The following DYNLRB2 variants were observed in gnomAD, a reference collection of about 807,000 sequenced individuals.
The protein encoded by DYNLRB2 is bithoraxoid-like protein.
Under a neutral mutation model 12.6 loss-of-function variants are expected in DYNLRB2, and 14 were observed. The ratio of observed to expected loss-of-function variants is 1.11; its 90% CI spans 0.73 to 1.73. The LOEUF (loss-of-function observed/expected upper bound fraction) is 1.73. DYNLRB2 is among the 40% of genes most tolerant of loss of function. The pLI is 0.00. For missense variants in DYNLRB2, 142 were observed against 117.7 expected (o/e 1.21, Z -0.95); for synonymous variants, 53 against 37.0 (o/e 1.43, Z -1.57).
chr16:80,546,494 C>T (rs556005123), intron 2 of DYNLRB2, among the ~76,000 whole-genome samples: 3 of 152,336 alleles, frequency 2.0e-5, no homozygotes, highest in East Asian at 1.9e-4. Context: ...TTCGGTTTCA[C>T]TGTTACTGAA....
chr16:80,545,693 A>C (rs1597091203), intron 2 of DYNLRB2, among the ~76,000 whole-genome samples: 1 of 6,848 alleles, frequency 1.5e-4, no homozygotes. Flanking sequence ...TTTGAGATGG[A>C]GTCTCTCTCT....
chr16:80,549,574 T>C lies in DYNLRB2; in HGVS notation c.170T>C (p.Val57Ala), dbSNP rs1020538501. The C allele has an allele frequency of 2.5e-6, 4 of 1,612,664 alleles. No homozygotes were observed. In the African/African-American group the frequency reaches 4.0e-5, roughly 16 times the overall value. The change falls in exon 3 of 4, where the codon GTT (valine) becomes GCT (alanine). Residue 57 changes from valine (V) to alanine (A), a missense_variant. By Grantham distance (64) the Val-to-Ala change is moderately conservative (BLOSUM62 0). Transcript: ENST00000305904. ...CTGACAATGAAAGCCAAAAGCACAG[T>C]TCGTGATATTGATCCTCAGAACGAC... ...HHLTMKAKST[V>A]RDIDPQNDLT...
intron 2 of DYNLRB2, chr16:80,547,871 G>A (rs28558345): frequency 0.062 from 28,141 of 456,018 alleles, 1,824 homozygotes; most frequent in Admixed American, 0.18. Context: ...TTTATTTATT[G>A]AATAGGTTTT....
chr16:80,547,772 A>G (rs1567518201), intron 2 of DYNLRB2: 1 of 456,626 alleles, frequency 2.2e-6, no homozygotes, highest in South Asian at 1.5e-5. Context: ...ACGCTTTGTG[A>G]CCTTCAAGTA....
At chr16:80,546,169 T>G (rs916164241) in intron 2 of DYNLRB2, among the ~76,000 whole-genome samples, 1 of 152,220 alleles carries the variant, frequency 6.6e-6, no homozygotes, top group East Asian at 1.9e-4. Flanking sequence ...TGTTTATTAA[T>G]GGCATATGGT....
At chr16:80,542,608 C>T (rs972971189) in intron 1 of DYNLRB2, among the ~76,000 whole-genome samples, 1 of 152,148 alleles carries the variant, frequency 6.6e-6, no homozygotes, top group African/African-American at 2.4e-5. Context: ...GGGAAGAAAA[C>T]ATACAATACA....
chr16:80,545,894 C>T (rs1904432865), intron 2 of DYNLRB2, among the ~76,000 whole-genome samples: 1 of 150,620 alleles, frequency 6.6e-6, no homozygotes, highest in Non-Finnish European at 1.5e-5. Context: ...TGGTTTCGAT[C>T]TCCTGACCTT....
intron 3 of DYNLRB2, 127 bp downstream of exon 3, chr16:80,549,778 AATG>A: frequency 9.8e-7 from 1 of 1,019,094 alleles, no homozygotes; most frequent in South Asian, 3.8e-5. Context: ...TCTATTACAA[AATG>A]ATGTTTGAAT....
chr16:80,540,870 C>A (rs372816184), upstream of DYNLRB2: 4 of 859,738 alleles, frequency 4.7e-6, no homozygotes, highest in Non-Finnish European at 5.8e-6. Flanking sequence ...CGCCTGCTCC[C>A]CTCTTCCGCG....
chr16:80,545,895 T>A (rs908951892), intron 2 of DYNLRB2, among the ~76,000 whole-genome samples: 1 of 151,232 alleles, frequency 6.6e-6, no homozygotes, highest in Non-Finnish European at 1.5e-5. Context: ...GGTTTCGATC[T>A]CCTGACCTTG....
chr16:80,541,233 G>T (rs1181147191), intron 1 of DYNLRB2, 154 bp downstream of exon 1: 1 of 963,710 alleles, frequency 1.0e-6, no homozygotes, highest in African/African-American at 1.8e-5. Context: ...GGGGCGAGAG[G>T]GAGACCTTGG....
chr16:80,540,919 G>T (rs977819435), upstream of DYNLRB2: 26 of 1,354,464 alleles, frequency 1.9e-5, no homozygotes, highest in East Asian at 2.5e-5. Flanking sequence ...TCAGGAGCGC[G>T]GTCAGGGCGA....
intron 2 of DYNLRB2, among the ~76,000 whole-genome samples, chr16:80,548,718 C>A (rs1213924507): frequency 1.2e-5 from 1 of 80,998 alleles, no homozygotes; most frequent in Non-Finnish European, 3.3e-5. Context: ...AATAGCAAGA[C>A]TCCGTCTCAA....
In DYNLRB2 at chr16:80,541,010, G is replaced by C; in HGVS notation, c.-67G>C. On this transcript the variant is annotated 5_prime_UTR_variant, in exon 1 of 4. Transcript: ENST00000305904. ...CCTTTTTTGTCTCCTAGCAACGGCG[G>C]GTAGCGTTGTTGACATCCCGGGAGG... 2.5e-6 allele frequency: 4 copies of C among 1,583,212 alleles called. No homozygotes were observed. The highest frequency in any genetic ancestry group is 2.3e-5 in the South Asian group (2 of 87,992).
intron 1 of DYNLRB2, among the ~76,000 whole-genome samples, chr16:80,542,896 GA>G (rs1277803416): frequency 6.6e-6 from 1 of 152,206 alleles, no homozygotes; most frequent in Admixed American, 6.5e-5. Context: ...CTGTAATGTA[GA>G]AAAGGAATTT....
chr16:80,543,653 C>G (rs1022240601), intron 2 of DYNLRB2, among the ~76,000 whole-genome samples: 5 of 152,200 alleles, frequency 3.3e-5, no homozygotes, highest in Non-Finnish European at 5.9e-5. Flanking sequence ...TTCAGAAGTG[C>G]CAATAAAACT....
intron 2 of DYNLRB2, 112 bp from the exon 3 acceptor site, chr16:80,549,372 C>A (rs1320456267): frequency 9.4e-7 from 1 of 1,069,288 alleles, no homozygotes; most frequent in Non-Finnish European, 1.3e-6. Flanking sequence ...GAGGGATAAG[C>A]CATCACTTTT....
At chr16:80,542,945 T>C (rs1904301877) in intron 1 of DYNLRB2, among the ~76,000 whole-genome samples, 1 of 152,206 alleles carries the variant, frequency 6.6e-6, no homozygotes, top group Admixed American at 6.5e-5. Context: ...TGAAAGATAA[T>C]CTGGGACAAA....
At chr16:80,546,056 A>C (rs1904446817) in intron 2 of DYNLRB2, among the ~76,000 whole-genome samples, 1 of 152,168 alleles carries the variant, frequency 6.6e-6, no homozygotes, top group Non-Finnish European at 1.5e-5. Context: ...TGGGTACTTA[A>C]GAGTTTTTAC....
Sources: allele counts gnomAD v4.1 joint callset (sites outside exome capture counted in the v4.1 genomes callset), GRCh38; gene constraint gnomAD v4.1.1; transcripts MANE v1.5; gene names NCBI Gene and HGNC (gene_info 2026-07-23, HGNC 2026-07-21).